SLCO4A1: variants seen among roughly 807,000 people sequenced by gnomAD.
SLCO4A1 encodes solute carrier organic anion transporter family member 4A1.
SLCO4A1 carries 51 observed loss-of-function variants against 64.6 expected under a neutral mutation model. The ratio of observed to expected loss-of-function variants is 0.79; its 90% CI spans 0.63 to 1.00. SLCO4A1 has a LOEUF of 1.00. SLCO4A1 is among the 50% of genes least tolerant of loss of function. The pLI, the probability that SLCO4A1 is intolerant of heterozygous loss-of-function variation, is 0.00. For missense variants in SLCO4A1, 919 were observed against 980.5 expected (o/e 0.94, Z 0.84); for synonymous variants, 471 against 444.9 (o/e 1.06, Z -0.74).
At chr20:62,687,076 C>T (rs536604560), downstream of SLCO4A1, among the ~76,000 whole-genome samples, 55 of 147,986 alleles carry the variant, frequency 3.7e-4, no homozygotes, top group African/African-American at 1.3e-3. Context: ...CAAACAGGCA[C>T]GATGGGAAGG....
intron 1 of SLCO4A1, chr20:62,642,961 C>A: frequency 2.1e-6 from 1 of 468,526 alleles, no homozygotes; most frequent in Non-Finnish European, 4.4e-6. Flanking sequence ...CCCACAGATC[C>A]AGCTGGGGAC....
downstream of SLCO4A1, among the ~76,000 whole-genome samples, chr20:62,690,483 G>T (rs1008150013): frequency 6.6e-6 from 1 of 152,172 alleles, no homozygotes; most frequent in African/African-American, 2.4e-5. Context: ...CCACCGAGCC[G>T]CAGGCCAGAG....
chr20:62,652,842 G>A (rs939244634), intron 1 of SLCO4A1, among the ~76,000 whole-genome samples: 4 of 152,184 alleles, frequency 2.6e-5, no homozygotes, highest in Non-Finnish European at 4.4e-5. Context: ...ACAGCCTCCC[G>A]GCAGTGTCCA....
intron 7 of SLCO4A1, 112 bp downstream of exon 7, chr20:62,666,687 C>A: frequency 1.1e-6 from 1 of 945,398 alleles, no homozygotes; most frequent in Non-Finnish European, 1.6e-6. Flanking sequence ...AAAAGGGCTA[C>A]GTCACAGGAC....
intron 2 of SLCO4A1, among the ~76,000 whole-genome samples, chr20:62,681,676 T>C (rs766058004): frequency 6.6e-6 from 1 of 152,228 alleles, no homozygotes; most frequent in Non-Finnish European, 1.5e-5. Context: ...AGCTTATCTC[T>C]CTGGGTAAAA....
chr20:62,658,875 G>T (rs1488839722), intron 3 of SLCO4A1, 108 bp downstream of exon 3: 10 of 958,224 alleles, frequency 1.0e-5, no homozygotes, highest in Non-Finnish European at 1.6e-5. Flanking sequence ...CGCGGCGCAG[G>T]TGCTGGGCAC....
chr20:62,653,138 C>T (rs936159902), intron 1 of SLCO4A1, among the ~76,000 whole-genome samples: 3 of 152,238 alleles, frequency 2.0e-5, no homozygotes, highest in African/African-American at 4.8e-5. Flanking sequence ...AGCAGCTGCC[C>T]GCCTTCGTCC....
downstream of SLCO4A1, among the ~76,000 whole-genome samples, chr20:62,690,704 GCAATTCAAT>G (rs1988199375): frequency 2.0e-5 from 3 of 152,208 alleles, no homozygotes; most frequent in Non-Finnish European, 4.4e-5. Flanking sequence ...GCAGAGAACC[GCAATTCAAT>G]AAACGCGCTT....
At chr20:62,667,087 C>T (rs1472647542) in intron 7 of SLCO4A1, among the ~76,000 whole-genome samples, 4 of 152,232 alleles carry the variant, frequency 2.6e-5, no homozygotes, top group Non-Finnish European at 5.9e-5. Context: ...CCGAGAAGCA[C>T]AAAGCAGCCG....
rs569259093 is a variant in SLCO4A1 at position 62,661,999 on chromosome 20, G to A, written c.1121+824G>A. ...TCCTCAGCGTCTGAGGCCCCAGCAC[G>A]GGGAGACTCTTGTGCCCTTGTAGCA... On this transcript the variant is annotated intron_variant, in intron 5 of 11. Transcript: ENST00000217159. This position sits in a 1 kb window ranked among gnomAD's most constrained non-coding sequence, Gnocchi z 5.2. 2.6e-5 allele frequency among the ~76,000 whole-genome samples: 4 copies of A among 152,254 alleles called. No homozygotes were observed. Among genetic ancestry groups the A allele is most frequent in the East Asian group, 1.9e-4 (1 of 5,156 alleles).
chr20:62,662,608 T>C (rs1601650437), intron 5 of SLCO4A1, among the ~76,000 whole-genome samples: 1 of 152,170 alleles, frequency 6.6e-6, no homozygotes, highest in East Asian at 1.9e-4. Flanking sequence ...AGCCGAGCAA[T>C]CAGTGATTAA....
chr20:62,670,526 G>T (rs1054679064), intron 11 of SLCO4A1, among the ~76,000 whole-genome samples: 8 of 152,230 alleles, frequency 5.3e-5, no homozygotes, highest in Non-Finnish European at 1.0e-4. Flanking sequence ...TCAGCGAGAA[G>T]GTGTAGTTCC....
chr20:62,647,773 C>T (rs574532068), intron 1 of SLCO4A1, among the ~76,000 whole-genome samples: 1 of 152,374 alleles, frequency 6.6e-6, no homozygotes, highest in African/African-American at 2.4e-5. Context: ...GGGATACAGG[C>T]TGGCACCCCA....
At chr20:62,650,189 C>A (rs1474189416) in intron 1 of SLCO4A1, 1 of 152,258 alleles carries the variant, frequency 6.6e-6, no homozygotes, top group Non-Finnish European at 1.5e-5. Context: ...ACCTTTTTGT[C>A]AAAACCAATT....
In SLCO4A1 at chr20:62,664,955, G is replaced by A. The variant is rs183755475; in HGVS notation, c.1143G>A (p.Lys381=). 215 of 1,611,146 alleles carry A rather than the reference G, an allele frequency of 1.3e-4. No homozygotes were observed. Among genetic ancestry groups the A allele is most frequent in the Admixed American group, 6.7e-4 (40 of 59,554 alleles). The change falls in exon 6 of 12, where the codon AAG becomes AAA. Residue 381 remains lysine (K), a synonymous_variant. Transcript: ENST00000217159. ...CCAGCTCCATCTGGCTCCTGCTGAA[G>A]AACCCCACGTTCATCCTGCTCTGCC... is the stretch of plus-strand genomic sequence containing the variant. The part of the protein sequence containing the change: ...DLPLSIWLLL[K]NPTFILLCLA...
At chr20:62,668,372 GTGA>G (rs1569146232) in intron 9 of SLCO4A1, 102 bp from the exon 10 acceptor site, 1 of 1,317,460 alleles carries the variant, frequency 7.6e-7, no homozygotes, top group Non-Finnish European at 1.1e-6. Flanking sequence ...TTGGGGGGGG[GTGA>G]TGATGTGGCT....
chr20:62,687,451 C>G (rs1468211179), downstream of SLCO4A1, among the ~76,000 whole-genome samples: 1 of 152,258 alleles, frequency 6.6e-6, no homozygotes, highest in Non-Finnish European at 1.5e-5. Flanking sequence ...CAGGGCAGGG[C>G]AGGTGCGTCA....
chr20:62,667,580 G>C (rs985804551), intron 7 of SLCO4A1, 165 bp from the exon 8 acceptor site: 3 of 741,718 alleles, frequency 4.0e-6, no homozygotes, highest in Non-Finnish European at 6.6e-6. Context: ...AGAAGGCAGT[G>C]CCCAGTGTGA....
intron 1 of SLCO4A1, among the ~76,000 whole-genome samples, chr20:62,643,889 C>T (rs1464508479): frequency 1.3e-5 from 2 of 152,232 alleles, no homozygotes; most frequent in East Asian, 3.8e-4. Context: ...TGGCCATTAT[C>T]ACTCCCACTT....
Sources: gnomAD v4.1 joint callset for allele counts (sites outside exome capture counted in the v4.1 genomes callset) on GRCh38, gnomAD v4.1.1 for gene constraint, Gnocchi (gnomAD v3.1) non-coding constraint, MANE v1.5 for transcripts, NCBI Gene and HGNC (gene_info 2026-07-23, HGNC 2026-07-21) for gene names.